The following OPA1 variants were observed in gnomAD, a reference collection of about 807,000 sequenced individuals.
OPA1 encodes dynamin-like GTPase OPA1, mitochondrial.
A neutral mutation model predicts 152.9 loss-of-function variants in OPA1; 59 were observed. That is an observed-to-expected ratio of 0.39 (90% CI 0.31 to 0.48). OPA1 has a LOEUF of 0.48. Ranked by LOEUF, OPA1 falls within the 20% of genes least tolerant of loss-of-function variation. The pLI is 0.96. For synonymous variants in OPA1, 400 were observed against 389.9 expected, an observed-to-expected ratio of 1.03 and a Z score of -0.31; for missense variants, 1,008 against 1,216.8, an observed-to-expected ratio of 0.83 and a Z score of 2.55.
intron 30 of OPA1, among the ~76,000 whole-genome samples, 162 bp downstream of exon 30, chr3:193,692,294 C>T (rs1044459082): frequency 2.6e-5 from 4 of 152,162 alleles, no homozygotes; most frequent in Non-Finnish European, 4.4e-5. Flanking sequence ...ATTTGTATAA[C>T]GTTGCTTTGA....
Position 193,665,231 on chromosome 3 carries a change from TAAA to T in OPA1, c.2778+241_2778+243del, listed in dbSNP as rs1393936802. On this transcript the variant is annotated intron_variant, in intron 27 of 30. Coordinates refer to ENST00000361510, the MANE Select transcript of OPA1 (RefSeq NM_130837.3). ...TATAAGAATATGTGAATATAAATAGTAAAAAAAAGTGTGAATATAAATAGTAAA... is the reference window on the plus strand; with the variant it reads ...TATAAGAATATGTGAATATAAATAGTAAAAAGTGTGAATATAAATAGTAAA... Among the ~76,000 whole-genome samples the T allele has an allele frequency of 2.7e-5, 4 of 150,860 alleles. No individual in the cohort carries two copies. The East Asian group carries it at 7.7e-4, about 29-fold the overall frequency.
At chr3:193,659,236 T>G (rs111958673) in intron 24 of OPA1, among the ~76,000 whole-genome samples, 3 of 152,218 alleles carry the variant, frequency 2.0e-5, no homozygotes, top group African/African-American at 7.2e-5. Context: ...TGCAGAATAT[T>G]TTAGTGTGTT....
At chr3:193,679,669 A>G (rs1006902525) in intron 29 of OPA1, among the ~76,000 whole-genome samples, 1 of 152,216 alleles carries the variant, frequency 6.6e-6, no homozygotes, top group South Asian at 2.1e-4. Flanking sequence ...AACCATAGAC[A>G]ACCAAGTTCA....
intron 26 of OPA1, among the ~76,000 whole-genome samples, chr3:193,663,927 T>G (rs1715912860): frequency 6.6e-6 from 1 of 152,176 alleles, no homozygotes; most frequent in South Asian, 2.1e-4. Context: ...GTCCCAGCTC[T>G]CGTTAACAAT....
intron 20 of OPA1, 83 bp from the exon 21 acceptor site, chr3:193,648,712 C>T: frequency 2.0e-6 from 2 of 978,100 alleles, no homozygotes; most frequent in Non-Finnish European, 3.3e-6. Flanking sequence ...TCAAAAACCT[C>T]CCTTTGGTTA....
rs752472474 is a variant in OPA1, at chr3:193,677,291, C to CTTT, written c.2983+10027_2983+10029dup. Among the ~76,000 whole-genome samples, 798 of 125,422 alleles carry CTTT rather than the reference C, an allele frequency of 6.4e-3. 18 individuals carry two copies. Among genetic ancestry groups the CTTT allele is most frequent in the African/African-American group, 8.4e-3 (284 of 33,800 alleles). The allele number at this position is 125,422 out of a possible 152,430, so 82.3% of individuals were successfully genotyped here. A position where few individuals can be genotyped will look rare whatever the true frequency, so the allele number is the denominator to read the frequency against. On this transcript the variant is annotated intron_variant, in intron 29 of 30. Coordinates refer to ENST00000361510, the MANE Select transcript of OPA1 (RefSeq NM_130837.3). ...TGCACAATTTTTTTTTCTTTTACTT[C>CTTT]TTTTTTTTTTTTTTTTTTCTTTAGA...
In OPA1 at chr3:193,654,223, C is replaced by T. The variant is rs115448063; in HGVS notation, c.2013-639C>T. 4.2e-4 allele frequency among the ~76,000 whole-genome samples: 64 copies of T among 152,254 alleles called. 1 individual carries two copies. Among genetic ancestry groups the T allele is most frequent in the African/African-American group, 1.4e-3 (60 of 41,556 alleles). ...AAAAGAAGTGAAATATTGCTAGATG[C>T]GGTGTCTCACACTTGTAATCCCAAC... is the stretch of plus-strand genomic sequence containing the variant. On this transcript the variant is annotated intron_variant, in intron 21 of 30. Transcript: ENST00000361510.
intron 6 of OPA1, among the ~76,000 whole-genome samples, chr3:193,625,771 ACT>A (rs1318169352): frequency 2.0e-5 from 3 of 151,534 alleles, no homozygotes. Flanking sequence ...TAAGATCAAC[ACT>A]GTTAAAAAAA....
rs35730104 is a variant in OPA1, at chr3:193,683,273, CTT to C, written c.2984-8777_2984-8776del. Among the ~76,000 whole-genome samples the C allele has an allele frequency of 8.4e-3, 1,176 of 140,654 alleles. 11 individuals carry two copies. The highest frequency in any genetic ancestry group is 0.023 in the African/African-American group (882 of 38,730). The allele number at this position is 140,654 out of a possible 152,430, so 92.3% of individuals were successfully genotyped here. On this transcript the variant is annotated intron_variant, in intron 29 of 30. Transcript: ENST00000361510. ...AAGCAAAGAAAGTGGTTTCTTTTTT[CTT>C]TTTTTTTTTTTTGGCAGTCTCAGTT...
Position 193,593,248 on chromosome 3 carries a change from G to C in OPA1, c.-130G>C, listed in dbSNP as rs983633224. 2 of 855,096 alleles carry C rather than the reference G, an allele frequency of 2.3e-6. No homozygotes were observed. Among genetic ancestry groups the C allele is most frequent in the African/African-American group, 3.5e-5 (2 of 56,882 alleles). 53.0% of individuals were successfully genotyped at this position (855,096 alleles called of 1,614,324 possible). A position where few individuals can be genotyped will look rare whatever the true frequency, so the allele number is the denominator to read the frequency against. On this transcript the variant is annotated 5_prime_UTR_variant, in exon 1 of 31. Coordinates refer to ENST00000361510, the MANE Select transcript of OPA1 (RefSeq NM_130837.3). Reference sequence around the variant, plus strand: ...TCCATGCGCCATTGGGAGGGCCTCGGCCGCGGCTCTGTGCCCTTGCTGCTG... The same window carrying C: ...TCCATGCGCCATTGGGAGGGCCTCGCCCGCGGCTCTGTGCCCTTGCTGCTG...
intron 29 of OPA1, 129 bp downstream of exon 29, chr3:193,667,409 G>A (rs372231500): frequency 7.4e-5 from 52 of 707,074 alleles, no homozygotes; most frequent in Non-Finnish European, 1.2e-4. Flanking sequence ...GGTGGCTCAC[G>A]CTTGTAATCC....
At chr3:193,607,786 A>C (rs888287964) in intron 1 of OPA1, among the ~76,000 whole-genome samples, 1 of 152,008 alleles carries the variant, frequency 6.6e-6, no homozygotes, top group African/African-American at 2.4e-5. Context: ...AGTTTTTTCC[A>C]ATTCTGTGAA....
chr3:193,602,499 GT>G (rs1342580897), intron 1 of OPA1, among the ~76,000 whole-genome samples: 17 of 152,210 alleles, frequency 1.1e-4, no homozygotes, highest in African/African-American at 4.1e-4. Context: ...TCATATCAGA[GT>G]TTAAGAGAGC....
Position 193,642,992 on chromosome 3 carries a change from T to C in OPA1, c.1248T>C (p.His416=). The C allele has an allele frequency of 1.2e-6, 2 of 1,613,924 alleles. No homozygotes were observed. Among genetic ancestry groups the C allele is most frequent in the South Asian group, 1.1e-5 (1 of 91,076 alleles). ...TKEEDLAALR[H]EIELRMRKNV... is the part of the protein sequence containing the mutation. ...TCCATTAGCTTGCAGCATTAAGACA[T>C]GAAATAGAACTTCGAATGAGGAAAA... The change falls in exon 13 of 31, where the codon CAT becomes CAC. Residue 416 remains histidine, a synonymous_variant. Transcript: ENST00000361510.
intron 21 of OPA1, among the ~76,000 whole-genome samples, chr3:193,654,032 A>C (rs1713179643): frequency 6.6e-6 from 1 of 152,168 alleles, no homozygotes; most frequent in South Asian, 2.1e-4. Flanking sequence ...TTCCACTCTT[A>C]GGTATTTACC....
intron 29 of OPA1, among the ~76,000 whole-genome samples, chr3:193,684,690 A>G (rs1349044730): frequency 1.3e-5 from 2 of 151,922 alleles, no homozygotes; most frequent in African/African-American, 4.8e-5. Flanking sequence ...ACCTCATGTG[A>G]TCCACCCGCC....
chr3:193,691,081 C>T (rs192202333), intron 29 of OPA1, among the ~76,000 whole-genome samples: 7 of 152,160 alleles, frequency 4.6e-5, no homozygotes, highest in African/African-American at 7.2e-5. Flanking sequence ...CTTAGCCAGG[C>T]GTGGTGGCAC....
At chr3:193,615,101 A>T (rs534640657) in intron 2 of OPA1, 60 bp downstream of exon 2, 65 of 1,322,170 alleles carry the variant, frequency 4.9e-5, no homozygotes, top group Non-Finnish European at 7.1e-5. Context: ...TTTCTATAGC[A>T]TAAATCATTT....
At chr3:193,681,556 T>G (rs1720134973) in intron 29 of OPA1, among the ~76,000 whole-genome samples, 1 of 152,222 alleles carries the variant, frequency 6.6e-6, no homozygotes, top group African/African-American at 2.4e-5. Flanking sequence ...CTCATTGTAT[T>G]GCATGTCACT....
Sources: gnomAD v4.1 joint callset for allele counts (sites outside exome capture counted in the v4.1 genomes callset) on GRCh38, gnomAD v4.1.1 for gene constraint, MANE v1.5 for transcripts, NCBI Gene and HGNC (gene_info 2026-07-23, HGNC 2026-07-21) for gene names.